Variants in RALGAPA1 observed in about 807,000 individuals in gnomAD.
RALGAPA1 encodes Ral GTPase activating protein catalytic subunit alpha 1, also known as ral GTPase-activating protein subunit alpha-1.
RALGAPA1 carries 52 observed loss-of-function variants against 269.6 expected under a neutral mutation model. The observed-to-expected ratio is 0.19, with a 90% confidence interval of 0.15 to 0.24. RALGAPA1 has a LOEUF of 0.24. RALGAPA1 is among the 10% of genes least tolerant of loss of function. The pLI, the probability that RALGAPA1 is intolerant of heterozygous loss-of-function variation, is 1.00. For missense variants in RALGAPA1, 1,917 were observed against 3,013.9 expected (o/e 0.64, Z 8.52); for synonymous variants, 817 against 1,008.3 (o/e 0.81, Z 3.60).
chr14:35,616,309 C>A (rs942726283), intron 35 of RALGAPA1, among the ~76,000 whole-genome samples: 1 of 151,864 alleles, frequency 6.6e-6, no homozygotes, highest in South Asian at 2.1e-4. Flanking sequence ...AGAAAATGAA[C>A]CAGTGAAGAC....
At chr14:35,685,259 T>A in intron 19 of RALGAPA1, 114 bp from the exon 20 acceptor site, 1 of 923,452 alleles carries the variant, frequency 1.1e-6, no homozygotes, top group Non-Finnish European at 1.6e-6. Flanking sequence ...GAGGCTGAAG[T>A]AGGAGTGGAG....
At chr14:35,554,190 C>T (rs1170427346) in intron 39 of RALGAPA1, among the ~76,000 whole-genome samples, 1 of 152,052 alleles carries the variant, frequency 6.6e-6, no homozygotes, top group Non-Finnish European at 1.5e-5. Flanking sequence ...TTATTCAATA[C>T]TCATAAAGTT....
chr14:35,656,293 T>C (rs1023887994), intron 28 of RALGAPA1, among the ~76,000 whole-genome samples: 3 of 152,190 alleles, frequency 2.0e-5, no homozygotes, highest in Non-Finnish European at 2.9e-5. Context: ...AGTAAAAACA[T>C]GAAGCTGATG....
chr14:35,644,477 C>T (rs1254517145), intron 31 of RALGAPA1, among the ~76,000 whole-genome samples: 1 of 152,074 alleles, frequency 6.6e-6, no homozygotes, highest in African/African-American at 2.4e-5. Flanking sequence ...TATAACCATA[C>T]TGAAGTGGGA....
At chr14:35,733,796 G>C (rs778265641) in intron 12 of RALGAPA1, among the ~76,000 whole-genome samples, 1 of 151,828 alleles carries the variant, frequency 6.6e-6, no homozygotes, top group Non-Finnish European at 1.5e-5. Context: ...TCTTTGAAAA[G>C]ATAAATAAAA....
At chr14:35,595,930 T>C in intron 36 of RALGAPA1, 141 bp from the exon 37 acceptor site, 1 of 646,474 alleles carries the variant, frequency 1.5e-6, no homozygotes, top group South Asian at 2.0e-5. Flanking sequence ...TCTAGAATTG[T>C]TAGAATTGAT....
chr14:35,607,386 T>C (rs1324022299), intron 35 of RALGAPA1, among the ~76,000 whole-genome samples: 1 of 152,172 alleles, frequency 6.6e-6, no homozygotes, highest in Non-Finnish European at 1.5e-5. Context: ...TTCTCATCCT[T>C]CTCTAGCCCC....
intron 41 of RALGAPA1, among the ~76,000 whole-genome samples, chr14:35,547,831 A>T (rs1047317483): frequency 1.3e-5 from 2 of 151,984 alleles, no homozygotes; most frequent in Non-Finnish European, 2.9e-5. Flanking sequence ...TTTTTTGTAA[A>T]ATTATTTTTC....
At chr14:35,732,681 C>G (rs914509142) in intron 12 of RALGAPA1, among the ~76,000 whole-genome samples, 1 of 152,156 alleles carries the variant, frequency 6.6e-6, no homozygotes, top group Admixed American at 6.6e-5. Flanking sequence ...GGTAAAAGGC[C>G]TTGTCCAACA....
intron 16 of RALGAPA1, among the ~76,000 whole-genome samples, chr14:35,713,790 A>C (rs1336087579): frequency 6.6e-6 from 1 of 152,120 alleles, no homozygotes; most frequent in Non-Finnish European, 1.5e-5. Flanking sequence ...TTTTGGCAAC[A>C]AGTATATAAA....
At chr14:35,610,807 AC>A (rs1243543553) in intron 35 of RALGAPA1, among the ~76,000 whole-genome samples, 1 of 152,214 alleles carries the variant, frequency 6.6e-6, no homozygotes, top group Non-Finnish European at 1.5e-5. Flanking sequence ...AAGATCAAAT[AC>A]ACAAAAACTG....
chr14:35,701,344 A>C (rs2067335625), intron 16 of RALGAPA1, among the ~76,000 whole-genome samples: 1 of 152,220 alleles, frequency 6.6e-6, no homozygotes, highest in Non-Finnish European at 1.5e-5. Context: ...ACATCAATTC[A>C]AATTGCTGAG....
intron 9 of RALGAPA1, among the ~76,000 whole-genome samples, chr14:35,749,246 T>C (rs1333528518): frequency 6.6e-6 from 1 of 152,168 alleles, no homozygotes; most frequent in African/African-American, 2.4e-5. Flanking sequence ...TATTTTACTG[T>C]GGACAAAAAT....
At chr14:35,578,361 C>A (rs1053011177) in intron 37 of RALGAPA1, among the ~76,000 whole-genome samples, 1 of 152,130 alleles carries the variant, frequency 6.6e-6, no homozygotes, top group African/African-American at 2.4e-5. Flanking sequence ...TAGGGGTATA[C>A]GTGTAGAAAC....
chr14:35,591,322 A>G (rs1283285417), intron 37 of RALGAPA1, among the ~76,000 whole-genome samples: 1 of 151,512 alleles, frequency 6.6e-6, no homozygotes, highest in Non-Finnish European at 1.5e-5. Context: ...GTATGTATGT[A>G]TGTGTTTTTC....
intron 16 of RALGAPA1, among the ~76,000 whole-genome samples, chr14:35,709,500 C>T (rs2068104657): frequency 1.3e-5 from 2 of 151,944 alleles, no homozygotes; most frequent in South Asian, 2.1e-4. Context: ...TTGATATTTT[C>T]TAAGACCCAA....
intron 36 of RALGAPA1, among the ~76,000 whole-genome samples, chr14:35,596,732 T>C (rs538080021): frequency 1.3e-5 from 2 of 152,258 alleles, no homozygotes; most frequent in East Asian, 3.9e-4. Context: ...TAATTAAAAA[T>C]TTTAAAGCAT....
rs116445772 is a variant in RALGAPA1 at position 35,700,152 on chromosome 14, G to A, written c.2407+10C>T. ...AAAGGTGGTGCAGAAATTAGCAGAGGTGGCACTACCTGAAAGCTCATCAGA... is the reference window on the plus strand; with the variant it reads ...AAAGGTGGTGCAGAAATTAGCAGAGATGGCACTACCTGAAAGCTCATCAGA... On this transcript the variant is annotated intron_variant, in intron 17 of 41. Transcript: ENST00000680220. 9.3e-4 allele frequency: 1,410 copies of A among 1,518,316 alleles called. 17 individuals are homozygous for A. The African/African-American group carries it at 0.017, about 19-fold the overall frequency. 94.1% of individuals were successfully genotyped at this position (1,518,316 alleles called of 1,614,324 possible). A position where few individuals can be genotyped will look rare whatever the true frequency, so the allele number is the denominator to read the frequency against.
chr14:35,645,835 G>C (rs1047717613), intron 31 of RALGAPA1, among the ~76,000 whole-genome samples: 9 of 152,198 alleles, frequency 5.9e-5, no homozygotes, highest in Admixed American at 3.9e-4. Context: ...GGGTTTCTTG[G>C]AGAAATGGGT....
Sources: allele counts gnomAD v4.1 joint callset (sites outside exome capture counted in the v4.1 genomes callset), GRCh38; gene constraint gnomAD v4.1.1; transcripts MANE v1.5; gene names NCBI Gene and HGNC (gene_info 2026-07-23, HGNC 2026-07-21).